STK31: variants seen among roughly 807,000 people sequenced by gnomAD.
The protein encoded by STK31 is serine/threonine kinase 31, also known as serine/threonine-protein kinase 31.
In STK31, 89 loss-of-function variants were observed where a neutral mutation model predicts 129.7. That is an observed-to-expected ratio of 0.69 (90% CI 0.58 to 0.82). The LOEUF is 0.82. STK31 is among the 40% of genes least tolerant of loss of function. The pLI, the probability that STK31 is intolerant of heterozygous loss-of-function variation, is 0.00. For synonymous variants in STK31, 448 were observed against 395.3 expected (o/e 1.13, Z -1.58); for missense variants, 1,187 against 1,176.4 (o/e 1.01, Z -0.13).
chr7:23,802,080 A>C (rs1279404672), intron 22 of STK31, among the ~76,000 whole-genome samples: 2 of 152,066 alleles, frequency 1.3e-5, no homozygotes. Flanking sequence ...AGGTCAGCCG[A>C]GAGAAAGGAA....
chr7:23,743,409 T>A (rs1360022673), intron 8 of STK31, among the ~76,000 whole-genome samples: 2 of 152,216 alleles, frequency 1.3e-5, no homozygotes, highest in Non-Finnish European at 2.9e-5. Flanking sequence ...ACAACTTTGC[T>A]GGATATAGTA....
intron 1 of STK31, among the ~76,000 whole-genome samples, chr7:23,711,873 GAT>G (rs1360081336): frequency 1.3e-5 from 2 of 152,144 alleles, no homozygotes; most frequent in African/African-American, 4.8e-5. Flanking sequence ...TTTGGCTAGA[GAT>G]AATTTTAAGG....
chr7:23,748,070 C>G (rs1037494977), intron 8 of STK31, among the ~76,000 whole-genome samples: 2 of 152,282 alleles, frequency 1.3e-5, no homozygotes, highest in East Asian at 3.9e-4. Flanking sequence ...CTTTTCACTT[C>G]TAATATATAC....
In STK31 at chr7:23,769,027, A is replaced by G. The variant is rs1233124456; in HGVS notation, c.1449A>G (p.Gly483=). The change falls in exon 12 of 24, where the codon GGA becomes GGG. Residue 483 remains glycine, a synonymous_variant. Transcript: ENST00000355870. ...DLSVSLEAVY[G]QAKEGANSDE... ...CAGTCTCTTTAGAAGCAGTGTATGG[A>G]CAAGCCAAAGAAGGAGCAAATTCTG... 6.2e-7 allele frequency: 1 copy of G among 1,611,936 alleles called. No homozygotes were observed.
rs1341516570 is a variant in STK31, at chr7:23,832,309, G to C, written c.3003G>C (p.Glu1001Asp). ...AAAAGGAAGAAGAAATAAAGACGGAGAACTTGGATAAATGTATGGAGAAGA... is the reference window on the plus strand; with the variant it reads ...AAAAGGAAGAAGAAATAAAGACGGACAACTTGGATAAATGTATGGAGAAGA... ...LYKKEEEIKT[E>D]NLDKCMEKTR... is the part of the protein sequence containing the mutation. Residue 1001 changes from glutamate to aspartate, a missense_variant, in exon 24 of 24, where the codon GAG becomes GAC. Physicochemically the swap from Glu to Asp is conservative, Grantham distance 45. Transcript: ENST00000355870. The C allele has an allele frequency of 1.2e-6, 2 of 1,613,896 alleles. No homozygotes were observed. The highest frequency in any genetic ancestry group is 2.2e-5 in the East Asian group (1 of 44,846).
intron 18 of STK31, among the ~76,000 whole-genome samples, chr7:23,786,023 A>G (rs1013365008): frequency 1.3e-5 from 2 of 152,034 alleles, no homozygotes; most frequent in Non-Finnish European, 2.9e-5. Flanking sequence ...AAGTCATTAA[A>G]TAAAGCTTTG....
intron 23 of STK31, among the ~76,000 whole-genome samples, chr7:23,827,647 G>C (rs533100716): frequency 5.5e-4 from 84 of 152,288 alleles, no homozygotes; most frequent in African/African-American, 2.0e-3. Flanking sequence ...GAGGAGCTGC[G>C]TTCCTTTGTC....
intron 23 of STK31, among the ~76,000 whole-genome samples, chr7:23,819,000 T>C (rs1793630987): frequency 6.6e-6 from 1 of 152,190 alleles, no homozygotes; most frequent in African/African-American, 2.4e-5. Flanking sequence ...AATTAACTTG[T>C]TTGGTCTCAA....
intron 22 of STK31, among the ~76,000 whole-genome samples, chr7:23,800,713 G>T (rs111395142): frequency 1.3e-5 from 2 of 151,864 alleles, no homozygotes; most frequent in Admixed American, 6.6e-5. Flanking sequence ...AAGCCTGCAC[G>T]TTCTTCACGT....
chr7:23,818,448 G>A (rs1283038623), intron 23 of STK31, among the ~76,000 whole-genome samples: 5 of 152,266 alleles, frequency 3.3e-5, no homozygotes, highest in Admixed American at 6.5e-5. Context: ...AGATTGATCA[G>A]TGTGTTCAGG....
intron 22 of STK31, among the ~76,000 whole-genome samples, chr7:23,804,909 C>T (rs1253269366): frequency 6.6e-6 from 1 of 152,132 alleles, no homozygotes; most frequent in African/African-American, 2.4e-5. Context: ...AGCCTTCTAG[C>T]TTTTTTCTTT....
intron 23 of STK31, among the ~76,000 whole-genome samples, chr7:23,826,388 A>C (rs931092351): frequency 6.6e-6 from 1 of 152,062 alleles, no homozygotes; most frequent in African/African-American, 2.4e-5. Context: ...TTGTTGGTTT[A>C]AAGTCTGTTT....
At chr7:23,723,762 A>G (rs1482883598) in intron 4 of STK31, among the ~76,000 whole-genome samples, 2 of 152,194 alleles carry the variant, frequency 1.3e-5, no homozygotes, top group Non-Finnish European at 2.9e-5. Context: ...GAGAACAGAT[A>G]AGTCTATCTG....
chr7:23,759,303 C>A (rs533427514), intron 10 of STK31, among the ~76,000 whole-genome samples: 1 of 152,214 alleles, frequency 6.6e-6, no homozygotes, highest in African/African-American at 2.4e-5. Context: ...GCAGAACTCT[C>A]TACCCCAAAT....
intron 1 of STK31, among the ~76,000 whole-genome samples, chr7:23,711,679 A>T (rs1785974828): frequency 6.6e-6 from 1 of 152,154 alleles, no homozygotes; most frequent in Non-Finnish European, 1.5e-5. Context: ...CGTGCCTTTT[A>T]CATAAAATAG....
At chr7:23,831,243 C>T (rs1346596033) in intron 23 of STK31, among the ~76,000 whole-genome samples, 2 of 151,816 alleles carry the variant, frequency 1.3e-5, no homozygotes, top group Non-Finnish European at 2.9e-5. Flanking sequence ...TCTGTTTCTC[C>T]CTTTAGATCT....
At chr7:23,730,878 ATT>A (rs60712892) in intron 6 of STK31, among the ~76,000 whole-genome samples, 13,900 of 58,868 alleles carry the variant, frequency 0.24, 1,368 homozygotes, top group South Asian at 0.44. Context: ...ATATATATAT[ATT>A]TTTTTTTTTT....
chr7:23,737,899 GTGTT>G (rs1787814164), intron 8 of STK31, among the ~76,000 whole-genome samples: 1 of 150,920 alleles, frequency 6.6e-6, no homozygotes, highest in Non-Finnish European at 1.5e-5. Flanking sequence ...GTGTGTATGT[GTGTT>G]TAACACCAAA....
chr7:23,721,751 T>A, intron 4 of STK31: 3 of 722,820 alleles, frequency 4.2e-6, no homozygotes, highest in Non-Finnish European at 7.7e-6. Context: ...AATAAGGATA[T>A]TTTTCCTTTC....
Sources: allele counts gnomAD v4.1 joint callset (sites outside exome capture counted in the v4.1 genomes callset), GRCh38; gene constraint gnomAD v4.1.1; transcripts MANE v1.5; gene names NCBI Gene and HGNC (gene_info 2026-07-23, HGNC 2026-07-21).